Variants in DCPS observed in about 807,000 individuals in gnomAD.
The protein encoded by DCPS is decapping enzyme, scavenger, also known as m7GpppX diphosphatase.
In DCPS, 27 loss-of-function variants were observed where a neutral mutation model predicts 34.7. The observed-to-expected ratio is 0.78, with a 90% CI of 0.57 to 1.07. The LOEUF is 1.07. DCPS is among the 50% of genes least tolerant of loss of function. The probability of loss-of-function intolerance (pLI) is 0.00; values close to 1 mark genes in which losing one functional copy is unlikely to be tolerated. For synonymous variants in DCPS, 185 were observed against 185.7 expected, an observed-to-expected ratio of 1.00 and a Z score of 0.03; for missense variants, 464 against 436.9, an observed-to-expected ratio of 1.06 and a Z score of -0.55.
chr11:126,326,796 G>T (rs1193787722), intron 2 of DCPS, among the ~76,000 whole-genome samples: 1 of 152,054 alleles, frequency 6.6e-6, no homozygotes, highest in Non-Finnish European at 1.5e-5. Context: ...GGTGGCAGGC[G>T]CCTGTAGTCC....
chr11:126,343,157 G>GC (rs1565380764), intron 4 of DCPS, 150 bp from the exon 5 acceptor site: 1 of 608,360 alleles, frequency 1.6e-6, no homozygotes, highest in Non-Finnish European at 3.0e-6. Context: ...CATCCCACAC[G>GC]CCCGGGGTAT....
chr11:126,328,604 A>C lies in DCPS; in HGVS notation c.377-2801A>C, dbSNP rs1046219718. On this transcript the variant is annotated intron_variant, in intron 2 of 5. Transcript: ENST00000263579. This position sits in a 1 kb window ranked among gnomAD's most constrained non-coding sequence, Gnocchi z 6.6. The stretch of plus-strand genomic sequence containing the variant: ...GGCCTCGGCAGACCAGGGCATGCTC[A>C]CAGGCCGGGTGGCTTTCTGATCTGG... 1.6e-4 allele frequency among the ~76,000 whole-genome samples: 25 copies of C among 152,094 alleles called. No individual in the cohort carries two copies. Among genetic ancestry groups the C allele is most frequent in the Non-Finnish European group, 2.9e-5 (2 of 68,002 alleles).
intron 4 of DCPS, chr11:126,341,674 C>T (rs750008090): frequency 4.6e-5 from 7 of 152,286 alleles, no homozygotes; most frequent in Non-Finnish European, 1.0e-4. Flanking sequence ...TTCACCACCA[C>T]GTGCACACGT....
In DCPS at chr11:126,332,583, G is replaced by A. The variant is rs937238959; in HGVS notation, c.522+1033G>A. Among the ~76,000 whole-genome samples, 1 of 152,214 alleles carries A rather than the reference G, an allele frequency of 6.6e-6. No individual in the cohort carries two copies. The highest frequency in any genetic ancestry group is 2.4e-5 in the African/African-American group (1 of 41,472). On this transcript the variant is annotated intron_variant, in intron 3 of 5. Transcript: ENST00000263579. This position sits in a 1 kb window ranked among gnomAD's most constrained non-coding sequence, Gnocchi z 5.4. ...CAGAAGAAGGGAGGGTACGCTGTGT[G>A]TGTGGGCACTGCAAGGTGAATTGTA...
intron 2 of DCPS, among the ~76,000 whole-genome samples, chr11:126,310,048 T>C (rs767379535): frequency 6.6e-6 from 1 of 152,206 alleles, no homozygotes; most frequent in Non-Finnish European, 1.5e-5. Context: ...AAAGTGTGGT[T>C]TGTGAACCAG....
Position 126,335,656 on chromosome 11 carries a change from C to T in DCPS, c.523-2630C>T, listed in dbSNP as rs144164689. Among the ~76,000 whole-genome samples the T allele has an allele frequency of 2.3e-3, 357 of 152,278 alleles. 1 individual carries two copies. The highest frequency in any genetic ancestry group is 0.01 in the Middle Eastern group (3 of 294). The stretch of plus-strand genomic sequence containing the variant: ...GTAAAATGGGGACAATGTCCAGGCG[C>T]GGTGGCTTATGCCTGTAATCCCAGC... On this transcript the variant is annotated intron_variant, in intron 3 of 5. Coordinates refer to ENST00000263579, the MANE Select transcript of DCPS (RefSeq NM_014026.6). The surrounding 1 kb of genome is among the most constrained non-coding windows in gnomAD (Gnocchi z 4.8).
chr11:126,318,572 G>A (rs976925361), intron 2 of DCPS, among the ~76,000 whole-genome samples: 2 of 152,194 alleles, frequency 1.3e-5, no homozygotes, highest in African/African-American at 2.4e-5. Flanking sequence ...GGCATGCCTT[G>A]CGAAGTCCGG....
At chr11:126,321,363 A>G (rs1039913427) in intron 2 of DCPS, among the ~76,000 whole-genome samples, 1 of 151,980 alleles carries the variant, frequency 6.6e-6, no homozygotes, top group African/African-American at 2.4e-5. Flanking sequence ...AGATGAGTGG[A>G]TGTTTACACC....
intron 2 of DCPS, among the ~76,000 whole-genome samples, chr11:126,310,623 T>C (rs1474969870): frequency 6.6e-6 from 1 of 152,204 alleles, no homozygotes; most frequent in Non-Finnish European, 1.5e-5. Context: ...AACTGACCTA[T>C]GTGTAGATTT....
intron 2 of DCPS, among the ~76,000 whole-genome samples, chr11:126,330,761 A>G (rs991864145): frequency 2.6e-5 from 2 of 75,738 alleles, no homozygotes; most frequent in Non-Finnish European, 4.9e-5. Flanking sequence ...TTTGAGATAG[A>G]GTTTCACTCT....
chr11:126,326,278 G>A (rs527696479), intron 2 of DCPS, among the ~76,000 whole-genome samples: 42 of 152,294 alleles, frequency 2.8e-4, no homozygotes, highest in African/African-American at 8.2e-4. Context: ...GCCAGACAGC[G>A]TATGGCAGGG....
At chr11:126,321,638 G>C (rs559455965) in intron 2 of DCPS, among the ~76,000 whole-genome samples, 2 of 152,178 alleles carry the variant, frequency 1.3e-5, no homozygotes, top group African/African-American at 4.8e-5. Flanking sequence ...ACAGGCAAGG[G>C]TGAGCAGACT....
In DCPS at chr11:126,347,783, C is replaced by T. The variant is rs1046916003; in HGVS notation, c.*2170C>T. ...GTCCAGCTTGCAGGAATGCTCCCTG[C>T]GTCTCAGTTGTGCCCATTCCAGGTC... On this transcript the variant is annotated 3_prime_UTR_variant, in exon 6 of 6. Coordinates refer to ENST00000263579, the MANE Select transcript of DCPS (RefSeq NM_014026.6). The surrounding 1 kb of genome is among the most constrained non-coding windows in gnomAD (Gnocchi z 4.2). Among the ~76,000 whole-genome samples the T allele has an allele frequency of 6.6e-5, 10 of 152,216 alleles. No individual in the cohort carries two copies. Among genetic ancestry groups the T allele is most frequent in the Non-Finnish European group, 1.5e-4 (10 of 68,034 alleles).
rs1951954099 is a variant in DCPS, at chr11:126,348,082, C to G, written c.*2469C>G. ...GAGGAAGGTGGGTAGGAATTTGACA[C>G]CGGATAAATAAATGTTTGAGGGGCA... On this transcript the variant is annotated 3_prime_UTR_variant, in exon 6 of 6. Transcript: ENST00000263579. The surrounding 1 kb of genome is among the most constrained non-coding windows in gnomAD (Gnocchi z 5.3). 6.6e-6 allele frequency among the ~76,000 whole-genome samples: 1 copy of G among 152,096 alleles called. No homozygotes were observed. The highest frequency in any genetic ancestry group is 6.5e-5 in the Admixed American group (1 of 15,268).
intron 4 of DCPS, among the ~76,000 whole-genome samples, chr11:126,339,898 C>T (rs1011842687): frequency 1.3e-5 from 2 of 152,126 alleles, no homozygotes; most frequent in Non-Finnish European, 2.9e-5. Flanking sequence ...TCACAGGAGG[C>T]GGGGCCCACC....
intron 2 of DCPS, among the ~76,000 whole-genome samples, chr11:126,321,510 C>T (rs142709591): frequency 1.2e-4 from 19 of 152,230 alleles, no homozygotes; most frequent in African/African-American, 3.9e-4. Context: ...CTGCCCAGCC[C>T]GAGAGAAAAC....
intron 2 of DCPS, among the ~76,000 whole-genome samples, chr11:126,311,523 G>A (rs1951618278): frequency 6.6e-6 from 1 of 152,238 alleles, no homozygotes; most frequent in Non-Finnish European, 1.5e-5. Context: ...AGCCTACTCA[G>A]ACCAGGGCTC....
chr11:126,307,779 T>C (rs1030994808), intron 2 of DCPS, among the ~76,000 whole-genome samples: 60 of 152,228 alleles, frequency 3.9e-4, no homozygotes, highest in African/African-American at 1.4e-3. Flanking sequence ...TACTATTGTA[T>C]CTACATGTAT....
chr11:126,305,963 C>G (rs555812930), intron 1 of DCPS, among the ~76,000 whole-genome samples: 1 of 152,246 alleles, frequency 6.6e-6, no homozygotes, highest in East Asian at 1.9e-4. Flanking sequence ...TGTTTTTCAT[C>G]TTCTGAAATG....
Sources: gnomAD v4.1 joint callset for allele counts (sites outside exome capture counted in the v4.1 genomes callset) on GRCh38, gnomAD v4.1.1 for gene constraint, Gnocchi (gnomAD v3.1) non-coding constraint, MANE v1.5 for transcripts, NCBI Gene and HGNC (gene_info 2026-07-23, HGNC 2026-07-21) for gene names.